Variants in BBS9 observed in about 807,000 individuals in gnomAD.
BBS9 encodes protein PTHB1.
A neutral mutation model predicts 117.7 loss-of-function variants in BBS9; 89 were observed. That is an observed-to-expected ratio of 0.76 (90% CI 0.64 to 0.90). BBS9 has a LOEUF of 0.90. BBS9 is among the 40% of genes least tolerant of loss of function. The pLI, the probability that BBS9 is intolerant of heterozygous loss-of-function variation, is 0.00. For missense variants in BBS9, 982 were observed against 1,042.2 expected, an observed-to-expected ratio of 0.94 and a Z score of 0.80; for synonymous variants, 379 against 370.9, an observed-to-expected ratio of 1.02 and a Z score of -0.25.
At chr7:33,170,173 A>C (rs201224404) in intron 4 of BBS9, among the ~76,000 whole-genome samples, 13 of 151,622 alleles carry the variant, frequency 8.6e-5, no homozygotes, top group Non-Finnish European at 1.6e-4. Context: ...AGACCAATAT[A>C]CTTGATGAAC....
At chr7:33,371,692 G>A (rs1256049223) in intron 17 of BBS9, among the ~76,000 whole-genome samples, 1 of 152,008 alleles carries the variant, frequency 6.6e-6, no homozygotes, top group Non-Finnish European at 1.5e-5. Context: ...AGATTTGTTA[G>A]TGGAGAGATA....
intron 19 of BBS9, among the ~76,000 whole-genome samples, chr7:33,402,687 T>C (rs762806785): frequency 2.6e-5 from 4 of 152,238 alleles, no homozygotes; most frequent in African/African-American, 4.8e-5. Flanking sequence ...CTCCTTTTTA[T>C]TTTATTTCCT....
intron 19 of BBS9, among the ~76,000 whole-genome samples, chr7:33,394,040 C>T (rs959884976): frequency 1.3e-5 from 2 of 152,142 alleles, no homozygotes; most frequent in African/African-American, 4.8e-5. Flanking sequence ...CCACTAGGAA[C>T]ATACAACAAG....
intron 5 of BBS9, among the ~76,000 whole-genome samples, chr7:33,234,210 A>G (rs74330441): frequency 0.038 from 5,754 of 152,172 alleles, 195 homozygotes; most frequent in African/African-American, 0.088. Flanking sequence ...TATCATATGT[A>G]TGTATGTATA....
chr7:33,499,413 C>T (rs1185702312), intron 19 of BBS9, among the ~76,000 whole-genome samples: 2 of 152,190 alleles, frequency 1.3e-5, no homozygotes, highest in South Asian at 2.1e-4. Context: ...CAGCCTATTG[C>T]ATTCTTCCCT....
intron 5 of BBS9, among the ~76,000 whole-genome samples, chr7:33,240,260 C>CTTTTTTTTTTTTT (rs5883390): frequency 7.2e-6 from 1 of 139,380 alleles, no homozygotes; most frequent in African/African-American, 2.7e-5. Flanking sequence ...CTTCATTGTT[C>CTTTTTTTTTTTTT]TTTTTTTTTT....
At chr7:33,333,104 C>G (rs61312218) in intron 9 of BBS9, among the ~76,000 whole-genome samples, 17,672 of 152,046 alleles carry the variant, frequency 0.12, 1,242 homozygotes, top group African/African-American at 0.19. Flanking sequence ...GTGGTTTTTG[C>G]TTACATGGAT....
chr7:33,630,472 T>G (rs1168132396), intron 21 of BBS9, among the ~76,000 whole-genome samples: 1 of 152,196 alleles, frequency 6.6e-6, no homozygotes, highest in Non-Finnish European at 1.5e-5. Context: ...CCAACTCAAT[T>G]GGATTACTAA....
At chr7:33,214,801 C>A (rs903919974) in intron 5 of BBS9, among the ~76,000 whole-genome samples, 2 of 152,066 alleles carry the variant, frequency 1.3e-5, no homozygotes, top group Admixed American at 6.6e-5. Flanking sequence ...TAGTTCAATC[C>A]CTGTCAAAAT....
intron 4 of BBS9, among the ~76,000 whole-genome samples, chr7:33,176,241 A>C (rs1280056019): frequency 6.6e-6 from 1 of 152,144 alleles, no homozygotes; most frequent in Admixed American, 6.5e-5. Context: ...GCAGTGGAAA[A>C]GACATATTCT....
intron 5 of BBS9, among the ~76,000 whole-genome samples, chr7:33,187,662 G>A (rs1783342848): frequency 3.9e-5 from 6 of 152,208 alleles, no homozygotes; most frequent in Admixed American, 3.9e-4. Flanking sequence ...GCTCATGCCT[G>A]TAATCCCAGC....
At chr7:33,530,256 C>G (rs1197710588) in intron 20 of BBS9, among the ~76,000 whole-genome samples, 1 of 152,156 alleles carries the variant, frequency 6.6e-6, no homozygotes, top group Non-Finnish European at 1.5e-5. Context: ...GGCATCATGC[C>G]TCATCTATAT....
chr7:33,491,655 T>C (rs911929427), intron 19 of BBS9, among the ~76,000 whole-genome samples: 1 of 152,176 alleles, frequency 6.6e-6, no homozygotes, highest in Non-Finnish European at 1.5e-5. Context: ...AGAGCTTACA[T>C]GTATTAAGCA....
intron 21 of BBS9, among the ~76,000 whole-genome samples, chr7:33,599,177 G>T (rs1863408919): frequency 6.6e-6 from 1 of 152,132 alleles, no homozygotes; most frequent in South Asian, 2.1e-4. Flanking sequence ...TCAAATATTG[G>T]AACCCAGCAG....
chr7:33,565,308 T>A (rs1472796536), intron 21 of BBS9, among the ~76,000 whole-genome samples: 1 of 152,116 alleles, frequency 6.6e-6, no homozygotes, highest in Non-Finnish European at 1.5e-5. Flanking sequence ...CATTCCTATG[T>A]TTGCTTACTT....
chr7:33,515,670 G>T (rs1458719614), intron 20 of BBS9, among the ~76,000 whole-genome samples: 1 of 152,158 alleles, frequency 6.6e-6, no homozygotes, highest in Non-Finnish European at 1.5e-5. Flanking sequence ...CTATTTCAGG[G>T]ATTTGCCAGT....
intron 7 of BBS9, among the ~76,000 whole-genome samples, chr7:33,265,325 T>C (rs1217611957): frequency 3.9e-5 from 6 of 152,178 alleles, no homozygotes; most frequent in Admixed American, 3.9e-4. Flanking sequence ...CAGATGAAGA[T>C]ATATTTTTTT....
At chr7:33,163,952 T>C (rs1473342143) in intron 4 of BBS9, among the ~76,000 whole-genome samples, 1 of 152,238 alleles carries the variant, frequency 6.6e-6, no homozygotes, top group Non-Finnish European at 1.5e-5. Flanking sequence ...TTTCCTGCTT[T>C]CTCTTGTGGG....
intron 21 of BBS9, among the ~76,000 whole-genome samples, chr7:33,634,101 G>T (rs528098234): frequency 6.6e-6 from 1 of 152,156 alleles, no homozygotes; most frequent in Admixed American, 6.5e-5. Flanking sequence ...TCTTCCTCAC[G>T]CAGGCCCGTC....
Sources: gnomAD v4.1 joint callset for allele counts (sites outside exome capture counted in the v4.1 genomes callset) on GRCh38, gnomAD v4.1.1 for gene constraint, MANE v1.5 for transcripts, NCBI Gene and HGNC (gene_info 2026-07-23, HGNC 2026-07-21) for gene names.